DPP10: variants seen among roughly 807,000 people sequenced by gnomAD.
DPP10 encodes the protein dipeptidyl peptidase like 10, also known as inactive dipeptidyl peptidase 10.
A neutral mutation model predicts 120.9 loss-of-function variants in DPP10; 33 were observed. The observed-to-expected ratio is 0.27, with a 90% CI of 0.21 to 0.37. The LOEUF is 0.37. DPP10 is among the 10% of genes least tolerant of loss of function. The probability of loss-of-function intolerance (pLI) is 1.00; values close to 1 mark genes in which losing one functional copy is unlikely to be tolerated. For missense variants in DPP10, 816 were observed against 942.8 expected (o/e 0.87, Z 1.76); for synonymous variants, 337 against 326.1 (o/e 1.03, Z -0.36).
intron 5 of DPP10, among the ~76,000 whole-genome samples, chr2:115,568,580 A>G (rs1480957873): frequency 1.4e-5 from 2 of 147,244 alleles, no homozygotes; most frequent in Non-Finnish European, 3.0e-5. Context: ...TTTAAAGTTC[A>G]TTTTTTGTCT....
chr2:115,551,534 C>T (rs975611629), intron 5 of DPP10, among the ~76,000 whole-genome samples: 14 of 152,080 alleles, frequency 9.2e-5, no homozygotes, highest in African/African-American at 3.1e-4. Context: ...CATGCCTCTC[C>T]CTAGTATTCC....
intron 1 of DPP10, among the ~76,000 whole-genome samples, chr2:115,103,911 G>T (rs2048821852): frequency 6.6e-6 from 1 of 152,104 alleles, no homozygotes; most frequent in African/African-American, 2.4e-5. Flanking sequence ...TATTTTTTCA[G>T]ATGCTTTAAT....
chr2:115,704,366 C>G (rs752429325), intron 7 of DPP10, among the ~76,000 whole-genome samples: 3 of 151,890 alleles, frequency 2.0e-5, no homozygotes, highest in African/African-American at 7.2e-5. Flanking sequence ...TGGCATTCCT[C>G]TCTCTCAAAT....
At chr2:114,765,311 A>G (rs1680613669) in intron 1 of DPP10, among the ~76,000 whole-genome samples, 1 of 152,180 alleles carries the variant, frequency 6.6e-6, no homozygotes, top group Non-Finnish European at 1.5e-5. Flanking sequence ...GATTCACTCA[A>G]TTTTTTGATG....
chr2:115,474,318 C>T (rs1029605696), intron 3 of DPP10, among the ~76,000 whole-genome samples: 13 of 152,242 alleles, frequency 8.5e-5, no homozygotes, highest in Non-Finnish European at 1.3e-4. Context: ...TGAGAAGACA[C>T]GAGTCCTCTG....
At chr2:115,136,504 A>G (rs1573745344) in intron 1 of DPP10, among the ~76,000 whole-genome samples, 1 of 152,228 alleles carries the variant, frequency 6.6e-6, no homozygotes, top group African/African-American at 2.4e-5. Flanking sequence ...AAGCTCATGT[A>G]TATGTATTCT....
chr2:114,935,856 A>T (rs1203889586), intron 1 of DPP10, among the ~76,000 whole-genome samples: 1 of 144,784 alleles, frequency 6.9e-6, no homozygotes, highest in Non-Finnish European at 1.5e-5. Flanking sequence ...AAACTAAAAA[A>T]CTGAAGGTTT....
intron 1 of DPP10, among the ~76,000 whole-genome samples, chr2:114,684,381 A>AAATG (rs1006375026): frequency 8.5e-4 from 130 of 152,136 alleles, no homozygotes; most frequent in African/African-American, 2.8e-3. Flanking sequence ...GGTCTAAAAG[A>AAATG]AATGAATTCT....
chr2:114,665,221 A>T (rs913598709), intron 1 of DPP10, among the ~76,000 whole-genome samples: 2 of 152,174 alleles, frequency 1.3e-5, no homozygotes, highest in East Asian at 3.9e-4. Flanking sequence ...GGACCCCAGT[A>T]ACCAGAGAAC....
intron 1 of DPP10, among the ~76,000 whole-genome samples, chr2:114,767,103 G>GAAAAAAAAAAAAAAAAAAAATAA (rs35500978): frequency 2.1e-5 from 1 of 48,058 alleles, no homozygotes; most frequent in Non-Finnish European, 4.5e-5. Context: ...ATCAAAACTA[G>GAAAAAAAAAAAAAAAAAAAATAA]AAAAAAAAAA....
intron 5 of DPP10, among the ~76,000 whole-genome samples, chr2:115,584,015 C>A (rs2082147493): frequency 6.6e-6 from 1 of 152,188 alleles, no homozygotes; most frequent in Non-Finnish European, 1.5e-5. Context: ...TTCTGGCAAA[C>A]ATGTTGAATA....
chr2:114,491,275 G>A (rs575866471), intron 1 of DPP10, among the ~76,000 whole-genome samples: 1 of 152,220 alleles, frequency 6.6e-6, no homozygotes, highest in Admixed American at 6.5e-5. Context: ...AGAATGAACT[G>A]TTTCCTACTC....
At chr2:115,293,582 C>T (rs1380004223) in intron 1 of DPP10, among the ~76,000 whole-genome samples, 1 of 151,998 alleles carries the variant, frequency 6.6e-6, no homozygotes, top group East Asian at 1.9e-4. Flanking sequence ...TGTAGGTGAG[C>T]TTCTGGAAAG....
chr2:115,047,266 C>A (rs1705138380), intron 1 of DPP10, among the ~76,000 whole-genome samples: 1 of 151,990 alleles, frequency 6.6e-6, no homozygotes, highest in South Asian at 2.1e-4. Flanking sequence ...ATACTTGGAT[C>A]CTTCCAATCA....
chr2:115,781,557 A>ACTG lies in DPP10; in HGVS notation c.1483+563_1483+565dup, dbSNP rs1267628465. On this transcript the variant is annotated intron_variant, in intron 16 of 25. Coordinates refer to ENST00000410059, the MANE Select transcript of DPP10 (RefSeq NM_020868.6). The stretch of plus-strand genomic sequence containing the variant: ...GAAATCATTTTCCTTTTAATATGGT[A>ACTG]CTGTATTTTCCAGAGATTAAATAGA... Among the ~76,000 whole-genome samples the ACTG allele has an allele frequency of 2.6e-5, 4 of 152,068 alleles. No individual in the cohort carries two copies. In the South Asian group the frequency reaches 8.3e-4, roughly 31 times the overall value.
chr2:115,249,472 G>A (rs2058667314), intron 1 of DPP10, among the ~76,000 whole-genome samples: 2 of 152,116 alleles, frequency 1.3e-5, no homozygotes, highest in Non-Finnish European at 2.9e-5. Context: ...ATTGGGTCGA[G>A]TGATTTTATG....
At chr2:114,769,772 CACACAT>C (rs1462881439) in intron 1 of DPP10, among the ~76,000 whole-genome samples, 1 of 152,184 alleles carries the variant, frequency 6.6e-6, no homozygotes, top group African/African-American at 2.4e-5. Flanking sequence ...ACACAACACA[CACACAT>C]ACACACATAC....
At chr2:114,578,643 CACTG>C (rs1690249171) in intron 1 of DPP10, among the ~76,000 whole-genome samples, 1 of 152,286 alleles carries the variant, frequency 6.6e-6, no homozygotes, top group Non-Finnish European at 1.5e-5. Flanking sequence ...AAAATCAGCA[CACTG>C]ACTGCAAACC....
chr2:115,141,834 C>A (rs2104844524), intron 1 of DPP10, among the ~76,000 whole-genome samples: 1 of 152,180 alleles, frequency 6.6e-6, no homozygotes, highest in South Asian at 2.1e-4. Flanking sequence ...AGTGCAGTGG[C>A]TCAACGTCAG....
Sources: allele counts gnomAD v4.1 joint callset (sites outside exome capture counted in the v4.1 genomes callset), GRCh38; gene constraint gnomAD v4.1.1; transcripts MANE v1.5; gene names NCBI Gene and HGNC (gene_info 2026-07-23, HGNC 2026-07-21).